The following SPECC1L variants were observed in gnomAD, a reference collection of about 807,000 sequenced individuals.
SPECC1L encodes the protein cytospin-A.
SPECC1L carries 40 observed loss-of-function variants against 116.8 expected under a neutral mutation model. The observed-to-expected ratio is 0.34, with a 90% CI of 0.27 to 0.45. SPECC1L has a LOEUF of 0.45. Ranked by LOEUF, SPECC1L falls within the 20% of genes least tolerant of loss-of-function variation. The pLI is 1.00. For missense variants in SPECC1L, 1,110 were observed against 1,373.6 expected, an observed-to-expected ratio of 0.81 and a Z score of 3.03; for synonymous variants, 504 against 500.6, an observed-to-expected ratio of 1.01 and a Z score of -0.09.
intron 15 of SPECC1L, 42 bp from the exon 16 acceptor site, chr22:24,412,606 G>A: frequency 6.2e-7 from 1 of 1,606,706 alleles, no homozygotes; most frequent in Non-Finnish European, 8.5e-7. Context: ...GACTTTCTCT[G>A]TGCCTTGTTC....
intron 14 of SPECC1L, among the ~76,000 whole-genome samples, chr22:24,376,857 A>G (rs1025452620): frequency 2.0e-5 from 3 of 151,588 alleles, no homozygotes; most frequent in Non-Finnish European, 2.9e-5. Flanking sequence ...TTATTGAGAT[A>G]TGCCACACAA....
chr22:24,294,937 G>A (rs1475464333), intron 2 of SPECC1L, among the ~76,000 whole-genome samples: 1 of 152,124 alleles, frequency 6.6e-6, no homozygotes, highest in African/African-American at 2.4e-5. Flanking sequence ...TTCATTTCTA[G>A]TAAAGAGTCT....
intron 3 of SPECC1L, among the ~76,000 whole-genome samples, chr22:24,309,429 T>G (rs1363904619): frequency 1.3e-5 from 2 of 152,050 alleles, no homozygotes; most frequent in Non-Finnish European, 2.9e-5. Flanking sequence ...TTTTTGAGAG[T>G]CTAGCTCTGT....
At chr22:24,285,479 T>G (rs891174126) in intron 2 of SPECC1L, among the ~76,000 whole-genome samples, 9 of 152,166 alleles carry the variant, frequency 5.9e-5, no homozygotes, top group African/African-American at 1.9e-4. Context: ...TGAACGCATA[T>G]TCTACCCAAC....
chr22:24,406,636 G>A (rs1453940753), intron 14 of SPECC1L, among the ~76,000 whole-genome samples: 1 of 152,204 alleles, frequency 6.6e-6, no homozygotes, highest in Non-Finnish European at 1.5e-5. Flanking sequence ...CACACCTGCA[G>A]AGCAAAGGTC....
intron 13 of SPECC1L, among the ~76,000 whole-genome samples, chr22:24,366,033 C>T (rs1443823125): frequency 1.3e-5 from 2 of 151,172 alleles, no homozygotes; most frequent in Non-Finnish European, 2.9e-5. Flanking sequence ...AGGGGATGCA[C>T]CAAAGGGATT....
chr22:24,323,117 C>G lies in SPECC1L; in HGVS notation c.1938+199C>G, dbSNP rs718126. ...TTCTTAAGATAATGTCACTTTCTCTCACTTGTATTTTGTTTCTGTTTTCCT... is the reference window on the plus strand; with the variant it reads ...TTCTTAAGATAATGTCACTTTCTCTGACTTGTATTTTGTTTCTGTTTTCCT... On this transcript the variant is annotated intron_variant, in intron 5 of 16. Transcript: ENST00000314328. 442,049 of 974,958 alleles carry G rather than the reference C, an allele frequency of 0.45. 103,105 individuals carry two copies. Among genetic ancestry groups the G allele is most frequent in the Admixed American group, 0.54 (8,687 of 16,228 alleles). 60.4% of individuals were successfully genotyped at this position (974,958 alleles called of 1,614,324 possible). A position where few individuals can be genotyped will look rare whatever the true frequency, so the allele number is the denominator to read the frequency against.
intron 2 of SPECC1L, among the ~76,000 whole-genome samples, chr22:24,298,016 ATAGGTGG>A (rs1292393440): frequency 1.4e-3 from 211 of 152,196 alleles, no homozygotes; most frequent in Non-Finnish European, 2.6e-3. Context: ...TAACTTTATC[ATAGGTGG>A]TATGTATACA....
At chr22:24,373,712 T>C (rs1407705229) in intron 14 of SPECC1L, among the ~76,000 whole-genome samples, 1 of 152,190 alleles carries the variant, frequency 6.6e-6, no homozygotes, top group Non-Finnish European at 1.5e-5. Context: ...GACATAGGCA[T>C]GGGCAAGGAC....
intron 2 of SPECC1L, among the ~76,000 whole-genome samples, chr22:24,290,433 CAT>C (rs2146365013): frequency 6.6e-6 from 1 of 152,296 alleles, no homozygotes; most frequent in African/African-American, 2.4e-5. Context: ...AAATGTACTA[CAT>C]GTTACAATTT....
At chr22:24,340,411 T>C (rs1243715509) in intron 10 of SPECC1L, among the ~76,000 whole-genome samples, 1 of 152,192 alleles carries the variant, frequency 6.6e-6, no homozygotes, top group Non-Finnish European at 1.5e-5. Context: ...CCTTCCAAAG[T>C]GCTGGGATTA....
At chr22:24,308,996 A>G (rs2049559214) in intron 3 of SPECC1L, among the ~76,000 whole-genome samples, 1 of 152,054 alleles carries the variant, frequency 6.6e-6, no homozygotes, top group African/African-American at 2.4e-5. Flanking sequence ...CACTTCCTTC[A>G]TTTCTGACGT....
chr22:24,372,074 A>G (rs2041882165), intron 14 of SPECC1L, among the ~76,000 whole-genome samples: 1 of 152,210 alleles, frequency 6.6e-6, no homozygotes, highest in South Asian at 2.1e-4. Context: ...ATCTCAAAGC[A>G]GTAATCTAAG....
intron 6 of SPECC1L, among the ~76,000 whole-genome samples, chr22:24,326,491 AC>A (rs1490845298): frequency 6.6e-6 from 1 of 152,098 alleles, no homozygotes; most frequent in Non-Finnish European, 1.5e-5. Context: ...CTTTACCCAA[AC>A]CAGATTAGAT....
chr22:24,295,690 A>G lies in SPECC1L; in HGVS notation c.-37-6505A>G, dbSNP rs2877209. On this transcript the variant is annotated intron_variant, in intron 2 of 16. Transcript: ENST00000314328. ...GCACGGGCCCGGCGCGGTGGCTCAC[A>G]CTTGTAATCTCAGCACTTTGGGAGG... Among the ~76,000 whole-genome samples the G allele has an allele frequency of 7.2e-5, 11 of 152,266 alleles. No homozygotes were observed. The East Asian group carries it at 9.6e-4, about 13-fold the overall frequency.
chr22:24,394,383 C>G (rs1288129165), intron 14 of SPECC1L, among the ~76,000 whole-genome samples: 1 of 152,176 alleles, frequency 6.6e-6, no homozygotes, highest in Non-Finnish European at 1.5e-5. Context: ...TCTGGGGTCC[C>G]TTTTAAAAGC....
chr22:24,395,506 A>C, intron 14 of SPECC1L, among the ~76,000 whole-genome samples: 1 of 151,102 alleles, frequency 6.6e-6, no homozygotes, highest in East Asian at 2.0e-4. Context: ...ATATTTCATC[A>C]GGGTCAATGA....
intron 5 of SPECC1L, 104 bp downstream of exon 5, chr22:24,323,022 G>A (rs1339139761): frequency 6.7e-7 from 1 of 1,482,862 alleles, no homozygotes; most frequent in Non-Finnish European, 8.9e-7. Context: ...TGTGTTATTA[G>A]CTTTTTTTTA....
At chr22:24,342,535 C>T (rs1324377360) in intron 10 of SPECC1L, among the ~76,000 whole-genome samples, 5 of 151,632 alleles carry the variant, frequency 3.3e-5, no homozygotes, top group East Asian at 3.9e-4. Flanking sequence ...TAGCCAGGCA[C>T]GGTGGTGTGT....
Sources: allele counts gnomAD v4.1 joint callset (sites outside exome capture counted in the v4.1 genomes callset), GRCh38; gene constraint gnomAD v4.1.1; transcripts MANE v1.5; gene names NCBI Gene and HGNC (gene_info 2026-07-23, HGNC 2026-07-21).